SLC24A1: variants seen among roughly 807,000 people sequenced by gnomAD.
SLC24A1 encodes the protein sodium/potassium/calcium exchanger 1.
Under a neutral mutation model 88.1 loss-of-function variants are expected in SLC24A1, and 52 were observed. The observed-to-expected ratio is 0.59, with a 90% CI of 0.47 to 0.74. SLC24A1 has a LOEUF of 0.74. Among genes scored for constraint, SLC24A1 ranks in the 30% least tolerant of loss-of-function variants. SLC24A1 has a pLI of 0.00. For synonymous variants in SLC24A1, 455 were observed against 498.0 expected, an observed-to-expected ratio of 0.91 and a Z score of 1.15; for missense variants, 1,173 against 1,363.3, an observed-to-expected ratio of 0.86 and a Z score of 2.20.
chr15:65,634,735 A>G (rs1448734305), intron 2 of SLC24A1, among the ~76,000 whole-genome samples: 1 of 138,736 alleles, frequency 7.2e-6, no homozygotes, highest in Non-Finnish European at 1.5e-5. Flanking sequence ...CCAAATCAAA[A>G]GCACCAAAAA....
chr15:65,660,438 G>C (rs752411980), downstream of SLC24A1: 87 of 676,782 alleles, frequency 1.3e-4, no homozygotes, highest in Non-Finnish European at 2.0e-4. Flanking sequence ...CCTAATTTGG[G>C]ACTATCCATT....
At chr15:65,628,354 C>G (rs1189106574) in intron 2 of SLC24A1, among the ~76,000 whole-genome samples, 1 of 152,180 alleles carries the variant, frequency 6.6e-6, no homozygotes, top group Non-Finnish European at 1.5e-5. Flanking sequence ...ATCACTGCCA[C>G]TAAATGGGGA....
intron 2 of SLC24A1, among the ~76,000 whole-genome samples, chr15:65,636,602 G>A (rs62014365): frequency 0.063 from 9,517 of 151,930 alleles, 316 homozygotes; most frequent in African/African-American, 0.091. Context: ...AAGGCTGAGC[G>A]CAGTGGCTCA....
chr15:65,653,745 A>G, intron 9 of SLC24A1, 85 bp from the exon 10 acceptor site: 1 of 1,332,948 alleles, frequency 7.5e-7, no homozygotes, highest in Non-Finnish European at 1.0e-6. Context: ...GTGGAAAAAT[A>G]CTTTGTAAAG....
At chr15:65,631,281 G>T (rs1249336171) in intron 2 of SLC24A1, among the ~76,000 whole-genome samples, 1 of 152,178 alleles carries the variant, frequency 6.6e-6, no homozygotes, top group Non-Finnish European at 1.5e-5. Flanking sequence ...TAGATGCTCT[G>T]CCACCTGAAT....
chr15:65,659,327 T>TG (rs2075780479), downstream of SLC24A1: 1 of 113,180 alleles, frequency 8.8e-6, no homozygotes, highest in Admixed American at 8.3e-5. Context: ...TTCTGGTTTT[T>TG]TTTTTTTTTT....
chr15:65,649,080 G>A (rs1475938633), intron 6 of SLC24A1, among the ~76,000 whole-genome samples: 1 of 151,994 alleles, frequency 6.6e-6, no homozygotes, highest in Non-Finnish European at 1.5e-5. Context: ...AATTCAGTTG[G>A]TCCAGGTGGG....
intron 2 of SLC24A1, among the ~76,000 whole-genome samples, chr15:65,630,761 A>G (rs2074693717): frequency 6.6e-6 from 1 of 152,232 alleles, no homozygotes; most frequent in Admixed American, 6.5e-5. Flanking sequence ...ACTTGAGGTC[A>G]GGAGTTCAAG....
rs904277419 is a variant in SLC24A1 at position 65,644,570 on chromosome 15, T to C, written c.2140+57T>C. The C allele has an allele frequency of 2.0e-5, 26 of 1,278,496 alleles. No homozygotes were observed. The African/African-American group carries it at 3.5e-4, about 17-fold the overall frequency. 79.2% of individuals were successfully genotyped at this position (1,278,496 alleles called of 1,614,324 possible). ...CCTGCCCCCCTCTCCCTGCTGTCAG[T>C]AGTGAGCTTGGCCTGGAGGCAGCAG... On this transcript the variant is annotated intron_variant, in intron 5 of 9. Coordinates refer to ENST00000261892, the MANE Select transcript of SLC24A1 (RefSeq NM_004727.3).
chr15:65,650,781 C>G lies in SLC24A1; in HGVS notation c.2632C>G (p.Gln878Glu), dbSNP rs1555407290. The change falls in exon 7 of 10, where the codon CAG becomes GAG. Residue 878 changes from glutamine to glutamate, a missense_variant. Transcript: ENST00000261892. The surrounding 1 kb of genome is among the most constrained non-coding windows in gnomAD (Gnocchi z 4.1). ...EQEEEEEEEE[Q>E]EEEEEEEEEE... is the part of the protein sequence containing the mutation. ...GGAGGAAGAGGAGGAGGAGGAAGAG[C>G]AGGAGGAAGAGGAGGAGGAGGAGGA... 7.5e-6 allele frequency: 12 copies of G among 1,608,322 alleles called. No homozygotes were observed. Among genetic ancestry groups the G allele is most frequent in the Non-Finnish European group, 9.3e-6 (11 of 1,177,850 alleles).
chr15:65,638,108 ACTC>A lies in SLC24A1; in HGVS notation c.1891-16_1891-14del, dbSNP rs2075000767. The A allele has an allele frequency of 6.3e-7, 1 of 1,594,072 alleles. No homozygotes were observed. The highest frequency in any genetic ancestry group is 1.3e-5 in the African/African-American group (1 of 74,416). On this transcript the variant is annotated splice_polypyrimidine_tract_variant and intron_variant, in intron 2 of 9. Transcript: ENST00000261892. ...GAGGGTCTCGCCACAACATCTCGTG[ACTC>A]CTCTCCCTGTTTGCAGCCGGGCGAT...
intron 7 of SLC24A1, 59 bp downstream of exon 7, chr15:65,651,001 C>T (rs768203590): frequency 1.4e-5 from 20 of 1,440,036 alleles, no homozygotes; most frequent in South Asian, 4.6e-5. Context: ...TGGGGTCTCT[C>T]GGCATGCGGG....
In SLC24A1 at chr15:65,652,722, C is replaced by T. The variant is rs1290812953; in HGVS notation, c.2964C>T (p.Ile988=). 2 of 1,613,884 alleles carry T rather than the reference C, an allele frequency of 1.2e-6. No homozygotes were observed. The highest frequency in any genetic ancestry group is 1.1e-5 in the South Asian group (1 of 91,066). Residue 988 remains isoleucine (I), a synonymous_variant, in exon 9 of 10, where the codon ATC becomes ATT. Transcript: ENST00000261892. The part of the protein sequence containing the change: ...LAAGTSIPDL[I]TSVIVARKGL... ...CAGGCACATCAATTCCTGACCTCAT[C>T]ACCAGTGTGATTGTCGCTCGAAAAG...
Position 65,654,120 on chromosome 15 carries a change from C to G in SLC24A1, c.*41C>G. On this transcript the variant is annotated 3_prime_UTR_variant, in exon 10 of 10. Coordinates refer to ENST00000261892, the MANE Select transcript of SLC24A1 (RefSeq NM_004727.3). ...TCACAATGGGCATGGATCAGAAGAC[C>G]ATGCAGAAGTTACTGTATCTCTTGT... 1 of 1,587,766 alleles carries G rather than the reference C, an allele frequency of 6.3e-7. No homozygotes were observed. Among genetic ancestry groups the G allele is most frequent in the Non-Finnish European group, 8.6e-7 (1 of 1,165,992 alleles).
intron 2 of SLC24A1, among the ~76,000 whole-genome samples, chr15:65,633,736 T>C (rs957997617): frequency 2.6e-5 from 4 of 152,182 alleles, no homozygotes; most frequent in Admixed American, 6.5e-5. Flanking sequence ...AAATTACATA[T>C]ATGGCTTGCA....
chr15:65,638,073 G>C, intron 2 of SLC24A1, 55 bp from the exon 3 acceptor site: 1 of 1,247,726 alleles, frequency 8.0e-7, no homozygotes, highest in Non-Finnish European at 1.2e-6. Flanking sequence ...AAGGGATGTA[G>C]GGAGAAAGTG....
At chr15:65,640,367 T>G (rs2141611336) in intron 4 of SLC24A1, among the ~76,000 whole-genome samples, 1 of 152,248 alleles carries the variant, frequency 6.6e-6, no homozygotes, top group Middle Eastern at 3.4e-3. Flanking sequence ...TGGCAGCGGC[T>G]GAGATTCTCA....
Position 65,645,638 on chromosome 15 carries a change from G to A in SLC24A1, c.2167G>A (p.Val723Ile). The A allele has an allele frequency of 1.9e-6, 3 of 1,576,034 alleles. No homozygotes were observed. Among genetic ancestry groups the A allele is most frequent in the Non-Finnish European group, 2.6e-6 (3 of 1,160,758 alleles). Reference protein sequence around the residue: ...EEEEPAKLPAVTVTPAPVPDI... With the variant: ...EEEEPAKLPAITVTPAPVPDI... ...GGAGGAGCCAGCCAAGCTCCCTGCG[G>A]TCACGGTCACACCAGCCCCTGTTCC... Residue 723 changes from valine (V) to isoleucine (I), a missense_variant, in exon 6 of 10, where the codon GTC becomes ATC. Coordinates refer to ENST00000261892, the MANE Select transcript of SLC24A1 (RefSeq NM_004727.3).
In SLC24A1 at chr15:65,654,998, T is replaced by C; in HGVS notation, c.*919T>C. The C allele has an allele frequency of 9.6e-7, 1 of 1,036,404 alleles. No homozygotes were observed. The highest frequency in any genetic ancestry group is 1.2e-6 in the Non-Finnish European group (1 of 859,426). 64.2% of individuals were successfully genotyped at this position (1,036,404 alleles called of 1,614,324 possible). A position where few individuals can be genotyped will look rare whatever the true frequency, so the allele number is the denominator to read the frequency against. On this transcript the variant is annotated 3_prime_UTR_variant, in exon 10 of 10. Transcript: ENST00000261892. ...AAGCAGCCTGAAAAATAAAAATTTA[T>C]AATTTGCCCTTGAATTGGAAGGAAT...
Sources: allele counts gnomAD v4.1 joint callset (sites outside exome capture counted in the v4.1 genomes callset), GRCh38; gene constraint gnomAD v4.1.1; non-coding constraint Gnocchi (gnomAD v3.1); transcripts MANE v1.5; gene names NCBI Gene and HGNC (gene_info 2026-07-23, HGNC 2026-07-21).